The following RLIG1 variants were observed in gnomAD, a reference collection of about 807,000 sequenced individuals.
RLIG1 encodes RNA 5'-phosphate and 3'-OH ligase 1.
the RLIG1 span, chr12:88,042,629 C>A: frequency 2.5e-6 from 1 of 394,440 alleles, no homozygotes; most frequent in South Asian, 1.0e-4. Flanking sequence ...TCTCATCCCC[C>A]TCATTCTTTA....
the RLIG1 span, chr12:88,048,351 T>C: frequency 6.2e-7 from 1 of 1,601,146 alleles, no homozygotes. Context: ...TATTAAGTGT[T>C]TGTTTAATCA....
At chr12:88,038,074 C>A in the RLIG1 span, among the ~76,000 whole-genome samples, 1 of 152,028 alleles carries the variant, frequency 6.6e-6, no homozygotes. Context: ...CTAGTTTTAA[C>A]GGTGAAAATT....
At chr12:88,035,841 C>T in the RLIG1 span, 1 of 1,534,362 alleles carries the variant, frequency 6.5e-7, no homozygotes, top group African/African-American at 1.4e-5. Flanking sequence ...TTTAGAACTG[C>T]CCTGCAGGCC....
chr12:88,045,988 C>CT, the RLIG1 span, among the ~76,000 whole-genome samples: 2 of 152,068 alleles, frequency 1.3e-5, no homozygotes, highest in Admixed American at 1.3e-4. Flanking sequence ...TATCCTCATT[C>CT]TTTCCTGTAA....
the RLIG1 span, chr12:88,049,165 C>G: frequency 7.1e-7 from 1 of 1,416,660 alleles, no homozygotes. Context: ...TTAAATGAAA[C>G]AAAGTTTATA....
At chr12:88,035,636 TG>T in the RLIG1 span, 1 of 1,597,006 alleles carries the variant, frequency 6.3e-7, no homozygotes, top group East Asian at 2.3e-5. Flanking sequence ...TCGCACTGCT[TG>T]TTGGGCTCAT....
At chr12:88,041,212 A>T in the RLIG1 span, among the ~76,000 whole-genome samples, 7,007 of 152,168 alleles carry the variant, frequency 0.046, 251 homozygotes, top group Non-Finnish European at 0.067. Context: ...ATTTTTTGTG[A>T]CTGGCTTATT....
chr12:88,043,712 C>A, the RLIG1 span: 2 of 1,600,308 alleles, frequency 1.2e-6, no homozygotes, highest in Admixed American at 3.4e-5. Flanking sequence ...TGGACACATT[C>A]CTGGTATCAT....
At chr12:88,042,954 G>A in the RLIG1 span, 1 of 1,342,856 alleles carries the variant, frequency 7.4e-7, no homozygotes, top group Non-Finnish European at 1.0e-6. Flanking sequence ...TGTTTAAATA[G>A]CTGAAATTTG....
chr12:88,035,672 G>C, the RLIG1 span: 1 of 1,608,368 alleles, frequency 6.2e-7, no homozygotes, highest in Non-Finnish European at 8.5e-7. Context: ...GCTCCGTGCA[G>C]CGGAAAATGC....
Sources: gnomAD v4.1 joint callset for allele counts (sites outside exome capture counted in the v4.1 genomes callset) on GRCh38, gnomAD v4.1.1 for gene constraint, MANE v1.5 for transcripts, NCBI Gene and HGNC (gene_info 2026-07-23, HGNC 2026-07-21) for gene names.